The following TSPEAR variants were observed in gnomAD, a reference collection of about 807,000 sequenced individuals.
TSPEAR encodes thrombospondin type laminin G domain and EAR repeats.
A neutral mutation model predicts 71.6 loss-of-function variants in TSPEAR; 69 were observed. The ratio of observed to expected loss-of-function variants is 0.96; its 90% CI spans 0.79 to 1.18. The LOEUF (loss-of-function observed/expected upper bound fraction) is 1.18, where lower values mean the gene tolerates loss of function less well. Among genes scored for constraint, TSPEAR ranks in the 50% most tolerant of loss-of-function variants. The probability of loss-of-function intolerance (pLI) is 0.00; values close to 1 mark genes in which losing one functional copy is unlikely to be tolerated. For missense variants in TSPEAR, 971 were observed against 894.9 expected, an observed-to-expected ratio of 1.09 and a Z score of -1.09; for synonymous variants, 402 against 387.2, an observed-to-expected ratio of 1.04 and a Z score of -0.45.
intron 1 of TSPEAR, chr21:44,697,241 G>T: frequency 6.2e-7 from 1 of 1,614,020 alleles, no homozygotes; most frequent in Non-Finnish European, 8.5e-7. Flanking sequence ...TGGCAGCCGC[G>T]TCTGCCTTCC....
At position 44,539,570 on chromosome 21, in the gene TSPEAR, C is replaced by A. The variant is rs201789410; in HGVS notation, c.304-5647G>T. ...GACGGGCACACAGCAGATGGGCTTG[C>A]AGCAGACAGGCTTGCAACGGACGGG... On this transcript the variant is annotated intron_variant, in intron 2 of 11. Transcript: ENST00000323084. The A allele has an allele frequency of 5.6e-4, 907 of 1,613,546 alleles. 4 individuals are homozygous for A. The highest frequency in any genetic ancestry group is 4.9e-3 in the South Asian group (443 of 91,044).
intron 1 of TSPEAR, chr21:44,600,823 T>C (rs587625815): frequency 6.2e-7 from 1 of 1,604,966 alleles, no homozygotes; most frequent in African/African-American, 1.4e-5. Flanking sequence ...CAGCCCCTGC[T>C]GCCGAGTGAC....
At chr21:44,512,966 G>T (rs1042115164) in intron 9 of TSPEAR, among the ~76,000 whole-genome samples, 1 of 152,220 alleles carries the variant, frequency 6.6e-6, no homozygotes, top group African/African-American at 2.4e-5. Flanking sequence ...TGTACCCAGC[G>T]AGGGTCTGTG....
intron 2 of TSPEAR, among the ~76,000 whole-genome samples, chr21:44,556,537 A>G (rs1473781021): frequency 6.6e-6 from 1 of 152,124 alleles, no homozygotes; most frequent in African/African-American, 2.4e-5. Context: ...CTAAAAATAC[A>G]AAAAAATTAG....
intron 9 of TSPEAR, chr21:44,517,215 G>C (rs782267370): frequency 1.3e-5 from 2 of 153,976 alleles, no homozygotes; most frequent in Non-Finnish European, 2.9e-5. Flanking sequence ...TCTCATTCCA[G>C]AACTTTCCTT....
Position 44,706,338 on chromosome 21 carries a change from C to T in TSPEAR, c.82+5095G>A, listed in dbSNP as rs377334034. On this transcript the variant is annotated intron_variant, in intron 1 of 11. Transcript: ENST00000323084. The stretch of plus-strand genomic sequence containing the variant: ...CCACACGCACACACCCACGTGCACA[C>T]CCCCATGCACACGCACCCACTTGCA... Among the ~76,000 whole-genome samples the T allele has an allele frequency of 6.4e-4, 97 of 152,150 alleles. 1 individual carries two copies. The highest frequency in any genetic ancestry group is 2.1e-3 in the African/African-American group (86 of 41,512).
At chr21:44,552,749 C>A (rs776369987) in intron 2 of TSPEAR, among the ~76,000 whole-genome samples, 33 of 152,216 alleles carry the variant, frequency 2.2e-4, no homozygotes, top group Non-Finnish European at 4.4e-4. Context: ...CCCCAACAGC[C>A]CCTCCCTGCA....
chr21:44,678,056 T>C (rs1986405307), intron 1 of TSPEAR: 1 of 711,730 alleles, frequency 1.4e-6, no homozygotes. Context: ...GCCACAGCGG[T>C]CACACTCGAT....
At chr21:44,573,977 G>T (rs1569194408) in intron 1 of TSPEAR, 1 of 1,612,166 alleles carries the variant, frequency 6.2e-7, no homozygotes, top group Admixed American at 1.7e-5. Context: ...TGACCTGTGA[G>T]CCCAGCCCCT....
At chr21:44,500,076 G>T in intron 11 of TSPEAR, 140 bp from the exon 12 acceptor site, 1 of 847,934 alleles carries the variant, frequency 1.2e-6, no homozygotes, top group Non-Finnish European at 1.7e-6. Context: ...CTGGCACAGC[G>T]TGGGGAGATC....
In TSPEAR at chr21:44,637,063, G is replaced by A. The variant is rs587631451; in HGVS notation, c.83-69058C>T. On this transcript the variant is annotated intron_variant, in intron 1 of 11. Coordinates refer to ENST00000323084, the MANE Select transcript of TSPEAR (RefSeq NM_144991.3). ...CCCCCAGGCTGAGGGCCCACGCTGG[G>A]CACAGTCACGGGACCTGCCAGGTGG... Among the ~76,000 whole-genome samples the A allele has an allele frequency of 1.7e-4, 26 of 152,286 alleles. No homozygotes were observed. In the South Asian group the frequency reaches 4.6e-3, roughly 27 times the overall value.
chr21:44,648,033 T>C (rs1984545130), intron 1 of TSPEAR, among the ~76,000 whole-genome samples: 1 of 152,194 alleles, frequency 6.6e-6, no homozygotes, highest in South Asian at 2.1e-4. Flanking sequence ...GGCCTCGTGG[T>C]GTGTGGGCCG....
intron 9 of TSPEAR, chr21:44,510,054 C>T (rs911047300): frequency 1.3e-5 from 2 of 152,744 alleles, no homozygotes; most frequent in African/African-American, 4.8e-5. Flanking sequence ...AAATCACTTA[C>T]CACCGTCAAG....
intron 1 of TSPEAR, among the ~76,000 whole-genome samples, chr21:44,709,608 C>T (rs1014646382): frequency 1.8e-4 from 27 of 152,268 alleles, no homozygotes; most frequent in African/African-American, 6.3e-4. Flanking sequence ...TGCGGGTCAA[C>T]CACCCGCCGC....
At position 44,612,139 on chromosome 21, in the gene TSPEAR, T is replaced by C. The variant is rs1569218662; in HGVS notation, c.83-44134A>G. 3.1e-6 allele frequency: 5 copies of C among 1,614,120 alleles called. No homozygotes were observed. The highest frequency in any genetic ancestry group is 4.2e-6 in the Non-Finnish European group (5 of 1,180,010). ...GCTGCACCAGGACGTATGTGATTGC[T>C]GCATCCACCATGTCTGTCTGCTCCA... On this transcript the variant is annotated intron_variant, in intron 1 of 11. Coordinates refer to ENST00000323084, the MANE Select transcript of TSPEAR (RefSeq NM_144991.3). The surrounding 1 kb of genome is among the most constrained non-coding windows in gnomAD (Gnocchi z 4.1).
intron 1 of TSPEAR, among the ~76,000 whole-genome samples, chr21:44,688,386 G>A (rs1555949211): frequency 2.6e-5 from 4 of 152,154 alleles, no homozygotes; most frequent in Non-Finnish European, 5.9e-5. Context: ...CACAGGGGAG[G>A]GCAAGTGAGT....
In TSPEAR at chr21:44,680,141, A is replaced by G. The variant is rs1986509030; in HGVS notation, c.82+31292T>C. The stretch of plus-strand genomic sequence containing the variant: ...AAAATATTTGTAAACTATGCATCTG[A>G]CAAGTGACTAATATCCAGAATATGT... On this transcript the variant is annotated intron_variant, in intron 1 of 11. Transcript: ENST00000323084. Among the ~76,000 whole-genome samples, 3 of 152,260 alleles carry G rather than the reference A, an allele frequency of 2.0e-5. No homozygotes were observed. The South Asian group carries it at 6.2e-4, about 31-fold the overall frequency.
At chr21:44,598,485 G>A (rs1271660120) in intron 1 of TSPEAR, among the ~76,000 whole-genome samples, 2 of 152,132 alleles carry the variant, frequency 1.3e-5, no homozygotes, top group Non-Finnish European at 2.9e-5. Context: ...TTTTCCTTAC[G>A]ACTCTGAGCC....
chr21:44,549,635 A>G (rs1555918247), intron 2 of TSPEAR, among the ~76,000 whole-genome samples: 1 of 152,222 alleles, frequency 6.6e-6, no homozygotes, highest in Non-Finnish European at 1.5e-5. Flanking sequence ...CCTTGCCTGC[A>G]TTTGCATTTC....
Sources: allele counts gnomAD v4.1 joint callset (sites outside exome capture counted in the v4.1 genomes callset), GRCh38; gene constraint gnomAD v4.1.1; non-coding constraint Gnocchi (gnomAD v3.1); transcripts MANE v1.5; gene names NCBI Gene and HGNC (gene_info 2026-07-23, HGNC 2026-07-21).